C13orf42: variants seen among roughly 807,000 people sequenced by gnomAD.
C13orf42 encodes uncharacterized protein C13orf42.
intron 1 of C13orf42, among the ~76,000 whole-genome samples, chr13:51,143,587 C>T (rs898492860): frequency 2.6e-5 from 4 of 152,200 alleles, no homozygotes; most frequent in Non-Finnish European, 4.4e-5. Context: ...AGTCTCCTCT[C>T]TCAAAGAATG....
intron 1 of C13orf42, among the ~76,000 whole-genome samples, chr13:51,128,523 C>A (rs2138019568): frequency 6.6e-6 from 1 of 152,258 alleles, no homozygotes; most frequent in African/African-American, 2.4e-5. Flanking sequence ...TCTCCTAAGA[C>A]AGAATGGGCT....
intron 1 of C13orf42, among the ~76,000 whole-genome samples, chr13:51,127,939 C>T (rs575764721): frequency 7.1e-4 from 108 of 152,282 alleles, no homozygotes; most frequent in Non-Finnish European, 8.7e-4. Flanking sequence ...AGGAGGTCGG[C>T]ACAAGATACA....
At chr13:51,117,628 C>T (rs1190910333) in intron 1 of C13orf42, among the ~76,000 whole-genome samples, 12 of 150,216 alleles carry the variant, frequency 8.0e-5, no homozygotes, top group South Asian at 2.3e-4. Flanking sequence ...AAAATATCTG[C>T]GGTCCAGTAT....
At chr13:51,102,895 G>C (rs1335084615) in intron 1 of C13orf42, among the ~76,000 whole-genome samples, 1 of 152,172 alleles carries the variant, frequency 6.6e-6, no homozygotes, top group Non-Finnish European at 1.5e-5. Context: ...GAGCAAGCGA[G>C]AGAGGAAGTG....
At chr13:51,113,114 A>C (rs541239858), upstream of C13orf42, 5 of 152,246 alleles carry the variant, frequency 3.3e-5, no homozygotes, top group Non-Finnish European at 5.9e-5. Flanking sequence ...CTCCATATCC[A>C]GAATGCCACA....
rs1211215741 is a variant in C13orf42, at chr13:51,111,036, GC to G, written c.173del (p.Ser58ThrfsTer49). ...ACAGGCTGGTGTCCATGCTACTGGT[GC>G]TTTTGTACTTCTTTAAGGACTCGCT... is the stretch of plus-strand genomic sequence containing the variant. ...KFSESLKKYK[S>X]TSSMDTSLYY... On this transcript the variant is annotated frameshift_variant, in exon 1 of 4. Transcript: ENST00000563710. LOFTEE classifies it high-confidence loss of function. 1 of 398,620 alleles carries G rather than the reference GC, an allele frequency of 2.5e-6. No individual in the cohort carries two copies. Among genetic ancestry groups the G allele is most frequent in the Non-Finnish European group, 4.4e-6 (1 of 226,164 alleles). 24.7% of individuals were successfully genotyped at this position (398,620 alleles called of 1,614,324 possible).
intron 1 of C13orf42, among the ~76,000 whole-genome samples, chr13:51,164,627 T>A (rs1566143697): frequency 6.6e-6 from 1 of 152,162 alleles, no homozygotes; most frequent in Non-Finnish European, 1.5e-5. Flanking sequence ...ACCACTGCGC[T>A]CCAGCCTGGG....
intron 1 of C13orf42, among the ~76,000 whole-genome samples, chr13:51,094,734 T>C (rs144206188): frequency 7.7e-4 from 118 of 152,346 alleles, no homozygotes; most frequent in African/African-American, 2.7e-3. Flanking sequence ...TTTTAAAAGA[T>C]ATTTCCACTG....
chr13:51,129,881 GA>G (rs1953603430), intron 1 of C13orf42, among the ~76,000 whole-genome samples: 2 of 152,074 alleles, frequency 1.3e-5, no homozygotes, highest in African/African-American at 4.8e-5. Context: ...GCAGATGCAT[GA>G]AAAAAATAAA....
intron 3 of C13orf42, 147 bp downstream of exon 3, chr13:51,085,172 C>G (rs1297326805): frequency 1.0e-5 from 2 of 195,582 alleles, no homozygotes; most frequent in East Asian, 2.0e-4. Flanking sequence ...CTCACCACCA[C>G]CAGCAACAAC....
chr13:51,083,727 AC>A lies in C13orf42; in HGVS notation c.*423del, dbSNP rs1261356220. ...TCTGAGCCTCATAGAAAGAGGAGCT[AC>A]CTCTTTGAAGCTTTGGCCCAGAAAT... On this transcript the variant is annotated 3_prime_UTR_variant, in exon 4 of 4. Coordinates refer to ENST00000563710, the MANE Select transcript of C13orf42 (RefSeq NM_001351589.3). 1 of 154,544 alleles carries A rather than the reference AC, an allele frequency of 6.5e-6. No individual in the cohort carries two copies. Among genetic ancestry groups the A allele is most frequent in the Non-Finnish European group, 1.4e-5 (1 of 69,688 alleles). 9.6% of individuals were successfully genotyped at this position (154,544 alleles called of 1,614,324 possible).
intron 2 of C13orf42, 131 bp downstream of exon 2, chr13:51,087,797 T>C (rs1953143930): frequency 2.5e-6 from 1 of 395,454 alleles, no homozygotes; most frequent in East Asian, 3.6e-5. Context: ...AGGGTTTCCC[T>C]TTAATCAGGG....
intron 1 of C13orf42, among the ~76,000 whole-genome samples, chr13:51,153,682 C>T (rs1208154248): frequency 1.5e-5 from 2 of 136,814 alleles, no homozygotes; most frequent in African/African-American, 5.5e-5. Context: ...CTTTGTCGCC[C>T]AGGCTGGAAT....
chr13:51,150,045 G>C (rs900231987), intron 1 of C13orf42, among the ~76,000 whole-genome samples: 2 of 152,200 alleles, frequency 1.3e-5, no homozygotes, highest in African/African-American at 4.8e-5. Context: ...TTAGAAGTTA[G>C]AATTTTCCGT....
chr13:51,165,698 A>G (rs942750807), intron 1 of C13orf42, among the ~76,000 whole-genome samples: 1 of 152,298 alleles, frequency 6.6e-6, no homozygotes, highest in African/African-American at 2.4e-5. Flanking sequence ...GCTTAGCAAC[A>G]TGGGAGTACT....
intron 1 of C13orf42, among the ~76,000 whole-genome samples, chr13:51,169,128 T>C (rs367568620): frequency 2.0e-5 from 3 of 152,132 alleles, no homozygotes; most frequent in East Asian, 3.9e-4. Context: ...GGAAACAACA[T>C]TGGAACTTGG....
At chr13:51,168,621 G>T (rs1380111658) in intron 1 of C13orf42, among the ~76,000 whole-genome samples, 1 of 152,194 alleles carries the variant, frequency 6.6e-6, no homozygotes, top group African/African-American at 2.4e-5. Context: ...AATGCAGAAT[G>T]GGTCCCCATC....
intron 1 of C13orf42, among the ~76,000 whole-genome samples, chr13:51,148,872 A>T (rs952003403): frequency 1.3e-5 from 2 of 152,052 alleles, no homozygotes; most frequent in African/African-American, 2.4e-5. Context: ...GCCCACCTCA[A>T]AGGCTCCCAG....
At chr13:51,085,207 ATAT>A in intron 3 of C13orf42, 109 bp downstream of exon 3, 2 of 252,762 alleles carry the variant, frequency 7.9e-6, no homozygotes, top group Non-Finnish European at 1.4e-5. Flanking sequence ...ATATATATAT[ATAT>A]GAATAATATT....
Sources: gnomAD v4.1 joint callset for allele counts (sites outside exome capture counted in the v4.1 genomes callset) on GRCh38, gnomAD v4.1.1 for gene constraint, MANE v1.5 for transcripts, NCBI Gene and HGNC (gene_info 2026-07-23, HGNC 2026-07-21) for gene names.